Variants in CDH18 observed in about 807,000 individuals in gnomAD.
CDH18 encodes cadherin 18.
CDH18 carries 31 observed loss-of-function variants against 67.9 expected under a neutral mutation model. That is an observed-to-expected ratio of 0.46 (90% CI 0.34 to 0.62). The LOEUF (loss-of-function observed/expected upper bound fraction) is 0.62, where lower values mean the gene tolerates loss of function less well. Among genes scored for constraint, CDH18 ranks in the 20% least tolerant of loss-of-function variants. CDH18 has a pLI of 0.01. For synonymous variants in CDH18, 362 were observed against 347.2 expected (o/e 1.04, Z -0.48); for missense variants, 890 against 975.5 (o/e 0.91, Z 1.17).
At chr5:20,216,222 G>A (rs577746937) in intron 2 of CDH18, among the ~76,000 whole-genome samples, 5 of 151,998 alleles carry the variant, frequency 3.3e-5, no homozygotes, top group African/African-American at 1.2e-4. Context: ...TTAAAAGTAA[G>A]AATTTCTATA....
Position 19,867,857 on chromosome 5 carries a change from C to G in CDH18, c.-256-28615G>C, listed in dbSNP as rs186301427. Reference sequence around the variant, plus strand: ...CATCTTGAGTTGTAGTTCCCATAATCCCTACATGTTGTGGGAGGGACCCTG... The same window carrying G: ...CATCTTGAGTTGTAGTTCCCATAATGCCTACATGTTGTGGGAGGGACCCTG... On this transcript the variant is annotated intron_variant, in intron 2 of 12. Coordinates refer to ENST00000382275, the MANE Select transcript of CDH18 (RefSeq NM_004934.5). 3.0e-3 allele frequency among the ~76,000 whole-genome samples: 462 copies of G among 152,224 alleles called. 6 individuals carry two copies. Among genetic ancestry groups the G allele is most frequent in the African/African-American group, 0.01 (417 of 41,526 alleles).
At chr5:19,577,623 A>G (rs868419387) in intron 7 of CDH18, among the ~76,000 whole-genome samples, 7 of 152,320 alleles carry the variant, frequency 4.6e-5, no homozygotes, top group African/African-American at 1.7e-4. Flanking sequence ...TTAGATTGAG[A>G]TGATGAGTTT....
intron 1 of CDH18, among the ~76,000 whole-genome samples, chr5:20,561,986 A>G (rs1261631592): frequency 2.0e-5 from 3 of 151,948 alleles, no homozygotes; most frequent in African/African-American, 7.2e-5. Flanking sequence ...CAAGTTCCAA[A>G]TCAAATAGGC....
At chr5:19,739,853 A>G (rs1209033190) in intron 4 of CDH18, among the ~76,000 whole-genome samples, 1 of 152,200 alleles carries the variant, frequency 6.6e-6, no homozygotes, top group Non-Finnish European at 1.5e-5. Flanking sequence ...ATCCCAAGAT[A>G]TTTGGCAGAA....
rs906612456 is a variant in CDH18, at chr5:20,152,843, G to C, written c.-518+102601C>G. On this transcript the variant is annotated intron_variant, in intron 2 of 14. Coordinates refer to the CDH18 transcript ENST00000507958. ...GCTAATAAATTTTACTTAACGAAAA[G>C]TTGTTTACTGATCCCTATTCAGATG... Among the ~76,000 whole-genome samples, 10 of 151,686 alleles carry C rather than the reference G, an allele frequency of 6.6e-5. No homozygotes were observed. The East Asian group carries it at 1.8e-3, about 27-fold the overall frequency.
intron 1 of CDH18, among the ~76,000 whole-genome samples, chr5:20,517,359 T>C (rs1474064475): frequency 6.6e-6 from 1 of 151,674 alleles, no homozygotes; most frequent in Non-Finnish European, 1.5e-5. Flanking sequence ...ATATTCCAAT[T>C]AATCTTATTC....
At chr5:20,413,169 C>CATA (rs1290037971) in intron 1 of CDH18, among the ~76,000 whole-genome samples, 1 of 152,198 alleles carries the variant, frequency 6.6e-6, no homozygotes, top group Non-Finnish European at 1.5e-5. Flanking sequence ...GCATAGTATT[C>CATA]CGTGGTGTAT....
chr5:20,219,786 T>G (rs935859365), intron 2 of CDH18, among the ~76,000 whole-genome samples: 1 of 151,702 alleles, frequency 6.6e-6, no homozygotes, highest in Non-Finnish European at 1.5e-5. Context: ...CATCCCTTCA[T>G]GATAAAAAAA....
chr5:20,505,097 T>TAA (rs35419542), intron 1 of CDH18, among the ~76,000 whole-genome samples: 12 of 151,064 alleles, frequency 7.9e-5, no homozygotes, highest in East Asian at 2.0e-4. Flanking sequence ...AAGTTACTAG[T>TAA]AAAAAAAAAT....
In CDH18 at chr5:20,211,774, T is replaced by C. The variant is rs536453434; in HGVS notation, c.-518+43670A>G. ...ACCAAAACCCCATCATCAAAGACCA[T>C]TGGTCACCATCATCAAAGACCAAAG... On this transcript the variant is annotated intron_variant, in intron 2 of 14. Coordinates refer to the CDH18 transcript ENST00000507958. Among the ~76,000 whole-genome samples the C allele has an allele frequency of 7.2e-4, 110 of 152,120 alleles. 1 individual carries two copies. The highest frequency in any genetic ancestry group is 3.4e-3 in the Middle Eastern group (1 of 294).
At chr5:19,810,687 T>C (rs1315926272) in intron 3 of CDH18, among the ~76,000 whole-genome samples, 1 of 152,044 alleles carries the variant, frequency 6.6e-6, no homozygotes, top group South Asian at 2.1e-4. Flanking sequence ...AATTAAAAAG[T>C]ACTGATATTA....
chr5:19,932,547 C>A lies in CDH18; in HGVS notation c.-257+48513G>T, dbSNP rs568108013. On this transcript the variant is annotated intron_variant, in intron 2 of 12. Transcript: ENST00000382275. ...CTAGGCCTTGTCTTAACAATAATTA[C>A]AATCCGCCCCTCTCCCCACAATACA... Among the ~76,000 whole-genome samples the A allele has an allele frequency of 2.6e-5, 4 of 151,608 alleles. No homozygotes were observed. The East Asian group carries it at 7.8e-4, about 29-fold the overall frequency.
intron 2 of CDH18, among the ~76,000 whole-genome samples, chr5:19,856,245 T>C (rs72740848): frequency 0.027 from 4,185 of 152,318 alleles, 86 homozygotes; most frequent in Non-Finnish European, 0.043. Flanking sequence ...ACTTTGAAGA[T>C]AGGGCTAGGT....
intron 5 of CDH18, among the ~76,000 whole-genome samples, chr5:19,678,647 T>C (rs569877337): frequency 6.6e-6 from 1 of 151,662 alleles, no homozygotes; most frequent in South Asian, 2.1e-4. Flanking sequence ...AAATACCAAA[T>C]ACCTTCCTAG....
At chr5:19,578,238 T>C (rs768106616) in intron 7 of CDH18, among the ~76,000 whole-genome samples, 3 of 152,226 alleles carry the variant, frequency 2.0e-5, no homozygotes, top group Non-Finnish European at 4.4e-5. Context: ...AGAAATTTTC[T>C]TTCTTTTCAG....
intron 3 of CDH18, among the ~76,000 whole-genome samples, chr5:19,749,322 A>G (rs1581181275): frequency 1.3e-5 from 2 of 151,510 alleles, no homozygotes; most frequent in Non-Finnish European, 3.0e-5. Flanking sequence ...TTATGTTGTT[A>G]TATTATATAT....
intron 5 of CDH18, among the ~76,000 whole-genome samples, chr5:19,707,287 G>T (rs1257744949): frequency 6.6e-6 from 1 of 152,184 alleles, no homozygotes; most frequent in Non-Finnish European, 1.5e-5. Flanking sequence ...GTCGCAGATG[G>T]TGGAAGAAAA....
intron 5 of CDH18, among the ~76,000 whole-genome samples, chr5:19,671,286 G>C (rs569095387): frequency 6.6e-6 from 1 of 152,158 alleles, no homozygotes; most frequent in South Asian, 2.1e-4. Context: ...TATTTAAATA[G>C]AATTTGCTCT....
chr5:20,049,767 C>A (rs765146116), intron 2 of CDH18, among the ~76,000 whole-genome samples: 7 of 151,516 alleles, frequency 4.6e-5, no homozygotes, highest in Non-Finnish European at 1.0e-4. Flanking sequence ...GAAATGTTGT[C>A]AAAATTGACA....
Sources: gnomAD v4.1 joint callset for allele counts (sites outside exome capture counted in the v4.1 genomes callset) on GRCh38, gnomAD v4.1.1 for gene constraint, MANE v1.5 for transcripts, NCBI Gene and HGNC (gene_info 2026-07-23, HGNC 2026-07-21) for gene names.